Variants in HOTAIR observed in about 807,000 individuals in gnomAD.
The protein encoded by HOTAIR is HOX transcript antisense RNA (non-protein coding).
At chr12:53,964,727 T>G (rs186483550) in intron 5 of HOTAIR, among the ~76,000 whole-genome samples, 1 of 152,246 alleles carries the variant, frequency 6.6e-6, no homozygotes, top group Admixed American at 6.5e-5. Context: ...GTGTATGGGA[T>G]GTAGAGGAAA....
intron 1 of HOTAIR, chr12:53,974,860 G>C (rs1044600276): frequency 7.2e-5 from 20 of 277,952 alleles, no homozygotes; most frequent in African/African-American, 3.3e-4. Flanking sequence ...GAGGGCGGAG[G>C]GGGAGCAGAC....
intron 2 of HOTAIR, among the ~76,000 whole-genome samples, chr12:53,967,766 G>A (rs1001149413): frequency 6.6e-6 from 1 of 152,208 alleles, no homozygotes; most frequent in Non-Finnish European, 1.5e-5. Flanking sequence ...GTGTGGGAAA[G>A]ATAGAGATAG....
chr12:53,969,940 G>A (rs576629975), intron 1 of HOTAIR, among the ~76,000 whole-genome samples: 50 of 152,372 alleles, frequency 3.3e-4, no homozygotes, highest in Middle Eastern at 3.4e-3. Flanking sequence ...CCAACGCTGT[G>A]TGCGGGAGTT....
At chr12:53,964,720 T>C (rs989212696) in intron 5 of HOTAIR, among the ~76,000 whole-genome samples, 2 of 152,158 alleles carry the variant, frequency 1.3e-5, no homozygotes, top group African/African-American at 4.8e-5. Context: ...GCCAGGGGTG[T>C]ATGGGATGTA....
intron 3 of HOTAIR, among the ~76,000 whole-genome samples, chr12:53,966,881 G>A (rs1939064926): frequency 6.6e-6 from 1 of 152,242 alleles, no homozygotes; most frequent in South Asian, 2.1e-4. Flanking sequence ...TTGGCGGTGG[G>A]CAGTGGGCAG....
Position 53,973,610 on chromosome 12 carries a change from C to G in HOTAIR, n.59+1288G>C. 6.2e-7 allele frequency: 1 copy of G among 1,613,706 alleles called. No homozygotes were observed. The highest frequency in any genetic ancestry group is 1.3e-5 in the African/African-American group (1 of 75,036). ...TGAAAAACGAAGGCTCCTACGGCGG[C>G]CACCACCACCCCAGCGCCCCGCACG... On this transcript the variant is annotated intron_variant and non_coding_transcript_variant, in intron 1 of 6. Coordinates refer to ENST00000424518, the Ensembl canonical transcript of HOTAIR. This position sits in a 1 kb window ranked among gnomAD's most constrained non-coding sequence, Gnocchi z 4.3.
chr12:53,970,864 T>C (rs1939137143), intron 1 of HOTAIR, among the ~76,000 whole-genome samples: 2 of 152,030 alleles, frequency 1.3e-5, no homozygotes, highest in Admixed American at 1.3e-4. Context: ...CCTTGGGGGA[T>C]TGGGCCCCAC....
At chr12:53,963,413 T>C (rs1157422478) in exon 7 of HOTAIR, 1 of 152,260 alleles carries the variant, frequency 6.6e-6, no homozygotes, top group African/African-American at 2.4e-5. Flanking sequence ...TTGGTCCCAT[T>C]TGGATCTTTC....
In HOTAIR at chr12:53,973,635, G is replaced by T; in HGVS notation, n.59+1263C>A. 1 of 1,613,196 alleles carries T rather than the reference G, an allele frequency of 6.2e-7. No individual in the cohort carries two copies. The highest frequency in any genetic ancestry group is 8.5e-7 in the Non-Finnish European group (1 of 1,179,956). On this transcript the variant is annotated intron_variant and non_coding_transcript_variant, in intron 1 of 6. Transcript: ENST00000424518. The surrounding 1 kb of genome is among the most constrained non-coding windows in gnomAD (Gnocchi z 4.3). ...CCACCACCACCCCAGCGCCCCGCACGCAACCCCCGCCGGCTTCTACTCCTC... is the reference window on the plus strand; with the variant it reads ...CCACCACCACCCCAGCGCCCCGCACTCAACCCCCGCCGGCTTCTACTCCTC...
chr12:53,964,870 C>T (rs1157992362), intron 5 of HOTAIR, among the ~76,000 whole-genome samples: 1 of 152,148 alleles, frequency 6.6e-6, no homozygotes, highest in East Asian at 1.9e-4. Context: ...AGTTTGAATG[C>T]CCCTGATTTA....
rs762569969 is a variant in HOTAIR, at chr12:53,973,290, G to C, written n.59+1608C>G. Reference sequence around the variant, plus strand: ...CAACTTCTGCTCTCCGTCGCGCAAGGAGAGGGGCGCAGATTTCGGCGAGCG... The same window carrying C: ...CAACTTCTGCTCTCCGTCGCGCAAGCAGAGGGGCGCAGATTTCGGCGAGCG... On this transcript the variant is annotated intron_variant and non_coding_transcript_variant, in intron 1 of 6. Coordinates refer to ENST00000424518, the Ensembl canonical transcript of HOTAIR. The surrounding 1 kb of genome is among the most constrained non-coding windows in gnomAD (Gnocchi z 4.3). The C allele has an allele frequency of 5.6e-6, 9 of 1,613,816 alleles. No individual in the cohort carries two copies. The highest frequency in any genetic ancestry group is 7.6e-6 in the Non-Finnish European group (9 of 1,179,994).
intron 6 of HOTAIR, chr12:53,964,200 T>C (rs1939008105): frequency 7.3e-6 from 1 of 137,602 alleles, no homozygotes; most frequent in African/African-American, 3.0e-5. Flanking sequence ...CCAGACCCAA[T>C]GAAAATAAAG....
chr12:53,974,238 G>T (rs567135267), intron 1 of HOTAIR, among the ~76,000 whole-genome samples: 1 of 147,812 alleles, frequency 6.8e-6, no homozygotes, highest in African/African-American at 2.5e-5. Context: ...CATTGCGGGC[G>T]ATATTAACTT....
chr12:53,973,969 C>G lies in HOTAIR; in HGVS notation n.59+929G>C. On this transcript the variant is annotated intron_variant and non_coding_transcript_variant, in intron 1 of 6. Coordinates refer to ENST00000424518, the Ensembl canonical transcript of HOTAIR. This position sits in a 1 kb window ranked among gnomAD's most constrained non-coding sequence, Gnocchi z 4.3. ...AACGGGCGGGCAGCGAGGGAGGGAG[C>G]GAGAGAGGGAGGGCGAGAGAAGGGG... is the stretch of plus-strand genomic sequence containing the variant. 3.6e-6 allele frequency: 5 copies of G among 1,402,946 alleles called. No homozygotes were observed. The highest frequency in any genetic ancestry group is 4.7e-6 in the Non-Finnish European group (5 of 1,071,612). The allele number at this position is 1,402,946 out of a possible 1,614,324, so 86.9% of individuals were successfully genotyped here.
At chr12:53,965,126 A>C (rs1452304335) in intron 5 of HOTAIR, among the ~76,000 whole-genome samples, 1 of 152,222 alleles carries the variant, frequency 6.6e-6, no homozygotes, top group East Asian at 1.9e-4. Flanking sequence ...CATATGCTTT[A>C]ATCTCTATAA....
chr12:53,967,393 C>A (rs1329546185), exon 3 of HOTAIR: 1 of 152,188 alleles, frequency 6.6e-6, no homozygotes, highest in Non-Finnish European at 1.5e-5. Context: ...TGCTCTCTTA[C>A]CCTGTGTTTT....
In HOTAIR at chr12:53,973,605, G is replaced by A. The variant is rs372700015; in HGVS notation, n.59+1293C>T. On this transcript the variant is annotated intron_variant and non_coding_transcript_variant, in intron 1 of 6. Coordinates refer to ENST00000424518, the Ensembl canonical transcript of HOTAIR. The surrounding 1 kb of genome is among the most constrained non-coding windows in gnomAD (Gnocchi z 4.3). ...CCTCATGAAAAACGAAGGCTCCTAC[G>A]GCGGCCACCACCACCCCAGCGCCCC... 1.9e-6 allele frequency: 3 copies of A among 1,613,182 alleles called. No individual in the cohort carries two copies. The highest frequency in any genetic ancestry group is 1.1e-5 in the South Asian group (1 of 91,020).
chr12:53,968,927 T>G (rs1485161760), intron 1 of HOTAIR: 2 of 152,284 alleles, frequency 1.3e-5, no homozygotes, highest in African/African-American at 4.8e-5. Context: ...GTTTGTTCCC[T>G]TTTGCATTTT....
Position 53,973,698 on chromosome 12 carries a change from C to G in HOTAIR, n.59+1200G>C, listed in dbSNP as rs1311222948. On this transcript the variant is annotated intron_variant and non_coding_transcript_variant, in intron 1 of 6. Transcript: ENST00000424518. This position sits in a 1 kb window ranked among gnomAD's most constrained non-coding sequence, Gnocchi z 4.3. ...CAGCGTCCTGCCTCAAGCCTTCGAC[C>G]GTTTCTTCGACAACGCCTACTGCGG... 1.9e-6 allele frequency: 3 copies of G among 1,613,570 alleles called. No individual in the cohort carries two copies. The highest frequency in any genetic ancestry group is 1.3e-5 in the African/African-American group (1 of 74,936).
Sources: allele counts gnomAD v4.1 joint callset (sites outside exome capture counted in the v4.1 genomes callset), GRCh38; gene constraint gnomAD v4.1.1; non-coding constraint Gnocchi (gnomAD v3.1); transcripts MANE v1.5; gene names NCBI Gene and HGNC (gene_info 2026-07-23, HGNC 2026-07-21).